The following C12orf42 variants were observed in gnomAD, a reference collection of about 807,000 sequenced individuals.
C12orf42 encodes chromosome 12 open reading frame 42, also known as uncharacterized protein C12orf42.
In C12orf42, 25 loss-of-function variants were observed where a neutral mutation model predicts 21.6. The observed-to-expected ratio is 1.16, with a 90% CI of 0.84 to 1.62. The LOEUF (loss-of-function observed/expected upper bound fraction) is 1.62. Among genes scored for constraint, C12orf42 ranks in the 40% most tolerant of loss-of-function variants. The pLI, the probability that C12orf42 is intolerant of heterozygous loss-of-function variation, is 0.00. For missense variants in C12orf42, 483 were observed against 459.3 expected (o/e 1.05, Z -0.47); for synonymous variants, 174 against 175.0 (o/e 0.99, Z 0.05).
intron 1 of C12orf42, among the ~76,000 whole-genome samples, chr12:103,488,540 G>A (rs1954986532): frequency 6.6e-6 from 1 of 152,204 alleles, no homozygotes; most frequent in Admixed American, 6.5e-5. Context: ...ATATCCTGAA[G>A]AGTGTTTTCC....
the C12orf42 span, among the ~76,000 whole-genome samples, chr12:103,149,524 C>A: frequency 6.6e-6 from 1 of 152,112 alleles, no homozygotes; most frequent in African/African-American, 2.4e-5. Flanking sequence ...TCTTAAATTG[C>A]AATCCCAGGT....
the C12orf42 span, among the ~76,000 whole-genome samples, chr12:103,166,548 A>G: frequency 1.5e-4 from 23 of 152,362 alleles, no homozygotes; most frequent in African/African-American, 5.5e-4. Flanking sequence ...AAATGGAGTC[A>G]GAATTTGAAT....
chr12:103,198,738 C>T, the C12orf42 span, among the ~76,000 whole-genome samples: 1 of 152,304 alleles, frequency 6.6e-6, no homozygotes, highest in South Asian at 2.1e-4. Flanking sequence ...GAGATTTGCT[C>T]AGGACCAGGG....
At chr12:103,082,549 T>C in the C12orf42 span, among the ~76,000 whole-genome samples, 13 of 152,248 alleles carry the variant, frequency 8.5e-5, no homozygotes, top group African/African-American at 2.4e-5. Flanking sequence ...TGACCTCTGA[T>C]TCTTAAAGCC....
the C12orf42 span, among the ~76,000 whole-genome samples, chr12:103,116,399 T>C: frequency 2.7e-5 from 4 of 147,572 alleles, no homozygotes; most frequent in African/African-American, 9.9e-5. Context: ...TATATATATA[T>C]GTATACATAT....
chr12:103,384,217 A>G (rs553727348), intron 3 of C12orf42, among the ~76,000 whole-genome samples: 35 of 152,226 alleles, frequency 2.3e-4, no homozygotes, highest in Non-Finnish European at 4.3e-4. Context: ...TAAGCAAAAG[A>G]TATTTATTAA....
chr12:103,299,072 T>A (rs999410978), downstream of C12orf42, among the ~76,000 whole-genome samples: 2 of 152,178 alleles, frequency 1.3e-5, no homozygotes, highest in African/African-American at 2.4e-5. Context: ...AAAACTGATT[T>A]ATAGTTGTAG....
chr12:103,348,825 C>T (rs1005744870), intron 4 of C12orf42, among the ~76,000 whole-genome samples: 1 of 151,974 alleles, frequency 6.6e-6, no homozygotes, highest in Non-Finnish European at 1.5e-5. Context: ...CAAAACAGAG[C>T]AGGGTGAGAT....
chr12:103,169,519 T>C, the C12orf42 span, among the ~76,000 whole-genome samples: 2 of 152,108 alleles, frequency 1.3e-5, no homozygotes, highest in South Asian at 4.1e-4. Context: ...AAGTAACTTA[T>C]CCAAGATCAT....
At chr12:103,080,153 G>A in the C12orf42 span, among the ~76,000 whole-genome samples, 3 of 152,108 alleles carry the variant, frequency 2.0e-5, no homozygotes, top group African/African-American at 7.2e-5. Flanking sequence ...TTTCTGATAT[G>A]GCTGTGGTGG....
the C12orf42 span, chr12:103,164,386 C>G: frequency 2.2e-6 from 1 of 455,834 alleles, no homozygotes; most frequent in Non-Finnish European, 4.4e-6. Flanking sequence ...ATGACTCTTT[C>G]TTCTTCTTGG....
the C12orf42 span, among the ~76,000 whole-genome samples, chr12:103,148,193 G>C: frequency 6.6e-6 from 1 of 152,118 alleles, no homozygotes; most frequent in Non-Finnish European, 1.5e-5. Context: ...CCATGGTCAA[G>C]TTTATGTGTG....
chr12:103,390,456 A>G (rs919702936), intron 3 of C12orf42, among the ~76,000 whole-genome samples: 2 of 152,132 alleles, frequency 1.3e-5, no homozygotes, highest in African/African-American at 4.8e-5. Flanking sequence ...ATAACTCCCA[A>G]TTATTACTTT....
chr12:103,198,816 C>T, the C12orf42 span, among the ~76,000 whole-genome samples: 1 of 152,198 alleles, frequency 6.6e-6, no homozygotes, highest in Non-Finnish European at 1.5e-5. Context: ...CCAGGATCTG[C>T]ATCTTCCCTC....
rs543488048 is a variant in C12orf42 at position 103,303,858 on chromosome 12, G to A, written c.632-1299C>T. On this transcript the variant is annotated intron_variant, in intron 5 of 5. Transcript: ENST00000548883. ...GCATGTTGCTTTGTGAACACTAGGT[G>A]CTTAATAGCTGTTGATTTGGATTTC... Among the ~76,000 whole-genome samples the A allele has an allele frequency of 6.2e-4, 94 of 152,312 alleles. 1 individual carries two copies. The highest frequency in any genetic ancestry group is 7.8e-4 in the Admixed American group (12 of 15,304).
chr12:103,388,259 T>G (rs2046786741), intron 3 of C12orf42, among the ~76,000 whole-genome samples: 1 of 152,138 alleles, frequency 6.6e-6, no homozygotes, highest in Non-Finnish European at 1.5e-5. Context: ...CTTTGATCTC[T>G]CTCCCTGTTT....
the C12orf42 span, among the ~76,000 whole-genome samples, chr12:103,220,261 G>C: frequency 6.6e-6 from 1 of 152,064 alleles, no homozygotes; most frequent in African/African-American, 2.4e-5. Flanking sequence ...GGCCTCTCAG[G>C]GGGTGGGATA....
In C12orf42 at chr12:103,395,557, G is replaced by A. The variant is rs540437295; in HGVS notation, c.147+6050C>T. On this transcript the variant is annotated intron_variant, in intron 3 of 5. Coordinates refer to ENST00000548883, the MANE Select transcript of C12orf42 (RefSeq NM_198521.5). ...TCACTGTGTTAGGCAGGATGGTCTC[G>A]ATCTCCTGACCGAGCGATCTGCCCG... Among the ~76,000 whole-genome samples, 12 of 152,156 alleles carry A rather than the reference G, an allele frequency of 7.9e-5. No individual in the cohort carries two copies. In the East Asian group the frequency reaches 2.1e-3, roughly 27 times the overall value.
At chr12:103,258,146 T>C (rs2136216465) in intron 10 of C12orf42, among the ~76,000 whole-genome samples, 1 of 152,246 alleles carries the variant, frequency 6.6e-6, no homozygotes, top group East Asian at 1.9e-4. Flanking sequence ...CAAACTTTCA[T>C]CAACATTCAA....
Sources: allele counts gnomAD v4.1 joint callset (sites outside exome capture counted in the v4.1 genomes callset), GRCh38; gene constraint gnomAD v4.1.1; transcripts MANE v1.5; gene names NCBI Gene and HGNC (gene_info 2026-07-23, HGNC 2026-07-21).